The following CASD1 variants were observed in gnomAD, a reference collection of about 807,000 sequenced individuals.
CASD1 encodes N-acetylneuraminate (7)9-O-acetyltransferase.
Under a neutral mutation model 100.0 loss-of-function variants are expected in CASD1, and 41 were observed. That is an observed-to-expected ratio of 0.41 (90% CI 0.32 to 0.53). The LOEUF (loss-of-function observed/expected upper bound fraction) is 0.53. Ranked by LOEUF, CASD1 falls within the 20% of genes least tolerant of loss-of-function variation. CASD1 has a pLI of 0.25. For synonymous variants in CASD1, 321 were observed against 315.6 expected (o/e 1.02, Z -0.18); for missense variants, 774 against 948.7 (o/e 0.82, Z 2.42).
chr7:94,588,348 A>C, the CASD1 span: 2 of 1,104,062 alleles, frequency 1.8e-6, no homozygotes. Flanking sequence ...TCACTTACTG[A>C]GACAAATCCT....
the CASD1 span, among the ~76,000 whole-genome samples, chr7:94,581,206 C>T: frequency 1.3e-5 from 2 of 152,306 alleles, no homozygotes; most frequent in African/African-American, 4.8e-5. Flanking sequence ...CTTAAAGGCT[C>T]TTAGAACATA....
chr7:94,628,940 G>T, the CASD1 span: 6 of 153,738 alleles, frequency 3.9e-5, no homozygotes, highest in African/African-American at 1.5e-4. Flanking sequence ...TTTACAAGCC[G>T]TATTTCATCT....
At chr7:94,553,004 C>T (rs1231770559) in intron 16 of CASD1, 1 of 220,426 alleles carries the variant, frequency 4.5e-6, no homozygotes, top group Non-Finnish European at 9.2e-6. Flanking sequence ...GCAGTGGTTA[C>T]CAAATCAGAC....
At chr7:94,595,660 A>G in the CASD1 span, among the ~76,000 whole-genome samples, 1 of 152,102 alleles carries the variant, frequency 6.6e-6, no homozygotes, top group Non-Finnish European at 1.5e-5. Flanking sequence ...GTGTGTGTCT[A>G]CTCAGTGCTG....
the CASD1 span, among the ~76,000 whole-genome samples, chr7:94,614,372 A>G: frequency 1.3e-5 from 2 of 152,244 alleles, no homozygotes; most frequent in African/African-American, 4.8e-5. Context: ...TGATCTCTCT[A>G]AAACAAAAAT....
chr7:94,545,581 T>C lies in CASD1; in HGVS notation c.1513T>C (p.Cys505Arg). 2 of 1,608,434 alleles carry C rather than the reference T, an allele frequency of 1.2e-6. No individual in the cohort carries two copies. The highest frequency in any genetic ancestry group is 8.5e-7 in the Non-Finnish European group (1 of 1,175,576). Residue 505 changes from cysteine to arginine, a missense_variant, in exon 12 of 18, where the codon TGT becomes CGT. Physicochemically the swap from Cys to Arg is radical, Grantham distance 180 (BLOSUM62 -3). Transcript: ENST00000297273. ...FRLNFLVVVLCIVMDRPYQFY... is the reference protein window; with the variant it reads ...FRLNFLVVVLRIVMDRPYQFY... Reference sequence around the variant, plus strand: ...TCTCAATTTCCTGGTAGTGGTGTTATGTATAGTAATGGATCGACCTTATCA... The same window carrying C: ...TCTCAATTTCCTGGTAGTGGTGTTACGTATAGTAATGGATCGACCTTATCA...
the CASD1 span, among the ~76,000 whole-genome samples, chr7:94,609,281 C>G: frequency 1.5e-4 from 23 of 152,380 alleles, no homozygotes; most frequent in East Asian, 2.9e-3. Flanking sequence ...AATCTCAGCA[C>G]TTTTGGAGGC....
chr7:94,522,412 A>G (rs1295020298), intron 3 of CASD1, among the ~76,000 whole-genome samples: 1 of 152,222 alleles, frequency 6.6e-6, no homozygotes, highest in Non-Finnish European at 1.5e-5. Flanking sequence ...CATCTAATAA[A>G]TTAGCCTTAA....
At chr7:94,526,538 C>T (rs1794576481) in intron 3 of CASD1, among the ~76,000 whole-genome samples, 1 of 152,224 alleles carries the variant, frequency 6.6e-6, no homozygotes, top group African/African-American at 2.4e-5. Context: ...CTTGTAATCC[C>T]AGCACTTTGG....
the CASD1 span, chr7:94,599,141 C>CA: frequency 3.6e-6 from 2 of 560,502 alleles, no homozygotes; most frequent in Non-Finnish European, 6.3e-6. Context: ...TTTAATATAA[C>CA]AAAACTGAAA....
At chr7:94,565,519 AC>A in the CASD1 span, among the ~76,000 whole-genome samples, 1 of 152,056 alleles carries the variant, frequency 6.6e-6, no homozygotes, top group African/African-American at 2.4e-5. Flanking sequence ...GTGAGCAATA[AC>A]CCACTGACTT....
chr7:94,599,736 C>T, the CASD1 span: 35 of 1,555,760 alleles, frequency 2.2e-5, no homozygotes, highest in South Asian at 3.5e-4. Flanking sequence ...AGAAACAAAA[C>T]AAAATTTATG....
At chr7:94,544,201 G>C (rs957020256) in intron 10 of CASD1, among the ~76,000 whole-genome samples, 6 of 152,178 alleles carry the variant, frequency 3.9e-5, no homozygotes, top group Non-Finnish European at 8.8e-5. Flanking sequence ...GAAAGTGGCA[G>C]AACTAGAATT....
chr7:94,518,794 A>G (rs552960058), intron 3 of CASD1, among the ~76,000 whole-genome samples: 7 of 152,152 alleles, frequency 4.6e-5, no homozygotes, highest in Admixed American at 4.6e-4. Flanking sequence ...ATGGCAACAT[A>G]TTATTGAGTG....
chr7:94,522,750 C>T (rs562532894), intron 3 of CASD1, among the ~76,000 whole-genome samples: 8 of 152,116 alleles, frequency 5.3e-5, no homozygotes, highest in East Asian at 1.9e-4. Flanking sequence ...CTCTACCTCC[C>T]GGGTTCACGC....
chr7:94,530,353 G>C (rs1794789737), intron 5 of CASD1, among the ~76,000 whole-genome samples: 1 of 152,116 alleles, frequency 6.6e-6, no homozygotes, highest in South Asian at 2.1e-4. Flanking sequence ...GCTTCTTTAT[G>C]TGTGTTGGTT....
At chr7:94,594,899 T>C in the CASD1 span, among the ~76,000 whole-genome samples, 2 of 152,150 alleles carry the variant, frequency 1.3e-5, no homozygotes, top group Non-Finnish European at 2.9e-5. Context: ...CAGTACAAAA[T>C]GAAACACCTC....
intron 5 of CASD1, among the ~76,000 whole-genome samples, chr7:94,530,058 AAGAGCT>A (rs2116290521): frequency 6.6e-6 from 1 of 152,286 alleles, no homozygotes; most frequent in South Asian, 2.1e-4. Flanking sequence ...CCTCCCCTCA[AAGAGCT>A]AGATGAATAA....
In CASD1 at chr7:94,533,819, G is replaced by A. The variant is rs1794974396; in HGVS notation, c.628+17G>A. The A allele has an allele frequency of 9.8e-6, 15 of 1,525,372 alleles. No individual in the cohort carries two copies. The highest frequency in any genetic ancestry group is 1.3e-5 in the Non-Finnish European group (15 of 1,138,840). The allele number at this position is 1,525,372 out of a possible 1,614,324, so 94.5% of individuals were successfully genotyped here. On this transcript the variant is annotated intron_variant, in intron 7 of 17. Transcript: ENST00000297273. ...TCTTACAAGGTAAGGAATGAGTAAT[G>A]AAAAAATGTCACTTTGTGTATATTT...
Sources: allele counts gnomAD v4.1 joint callset (sites outside exome capture counted in the v4.1 genomes callset), GRCh38; gene constraint gnomAD v4.1.1; transcripts MANE v1.5; gene names NCBI Gene and HGNC (gene_info 2026-07-23, HGNC 2026-07-21).